Variants in DCAF8L2 observed in about 807,000 individuals in gnomAD.
DCAF8L2 encodes the protein DDB1 and CUL4 associated factor 8 like 2, also known as DDB1- and CUL4-associated factor 8-like protein 2.
For synonymous variants in DCAF8L2, 200 were observed against 190.9 expected, an observed-to-expected ratio of 1.05 and a Z score of -0.39; for missense variants, 430 against 490.7, an observed-to-expected ratio of 0.88 and a Z score of 1.17.
chrX:27,614,088 T>C (rs997655749), intron 1 of DCAF8L2, among the ~76,000 whole-genome samples: 2 of 111,183 alleles, frequency 1.8e-5, no homozygotes, highest in Non-Finnish European at 3.8e-5. Context: ...GTCCTGGACT[T>C]TTTTTGGTTG....
intron 4 of DCAF8L2, among the ~76,000 whole-genome samples, chrX:27,733,428 T>C (rs1030509973): frequency 8.9e-6 from 1 of 112,356 alleles, no homozygotes; most frequent in Admixed American, 9.5e-5. Context: ...ATATTTTGGA[T>C]ATTAGCTTTT....
At chrX:27,550,118 A>C in the DCAF8L2 span, among the ~76,000 whole-genome samples, 1,501 of 112,280 alleles carry the variant, frequency 0.013, 62 homozygotes, top group East Asian at 0.097. Context: ...GAATGGTCCT[A>C]GAAAGCAACT....
Position 27,601,127 on chromosome X carries a change from G to C in DCAF8L2, c.-342+10687G>C, listed in dbSNP as rs778322451. Among the ~76,000 whole-genome samples, 6 of 110,759 alleles carry C rather than the reference G, an allele frequency of 5.4e-5. No individual in the cohort carries two copies. In the South Asian group the frequency reaches 2.3e-3, roughly 43 times the overall value. On this transcript the variant is annotated intron_variant, in intron 1 of 4. Coordinates refer to ENST00000451261, the MANE Select transcript of DCAF8L2 (RefSeq NM_001353450.2). ...TAATTTTTGTATTTTTTGTAGGGTCGGGGTTTCACCACGTTGCCCAGGCTG... is the reference window on the plus strand; with the variant it reads ...TAATTTTTGTATTTTTTGTAGGGTCCGGGTTTCACCACGTTGCCCAGGCTG...
chrX:27,539,766 A>G, the DCAF8L2 span, among the ~76,000 whole-genome samples: 67 of 111,143 alleles, frequency 6.0e-4, no homozygotes, highest in African/African-American at 1.9e-3. Flanking sequence ...TTCTTTGTTA[A>G]GGGATGTTGG....
At chrX:27,668,019 A>G (rs1929802406) in intron 2 of DCAF8L2, among the ~76,000 whole-genome samples, 1 of 111,815 alleles carries the variant, frequency 8.9e-6, no homozygotes, top group Non-Finnish European at 1.9e-5. Context: ...TGTGATGGCT[A>G]TGGTTCTGAA....
At chrX:27,676,813 G>A (rs995922872) in intron 2 of DCAF8L2, 2 of 111,615 alleles carry the variant, frequency 1.8e-5, no homozygotes, top group African/African-American at 6.5e-5. Flanking sequence ...TCAACAAATT[G>A]AGACAACTAG....
chrX:27,598,011 A>ATG (rs1160647194), intron 1 of DCAF8L2, among the ~76,000 whole-genome samples: 1 of 103,401 alleles, frequency 9.7e-6, no homozygotes, highest in African/African-American at 3.9e-5. Flanking sequence ...AAACCTTCAA[A>ATG]TATTCAAATT....
chrX:27,593,834 C>T lies in DCAF8L2; in HGVS notation c.-342+3394C>T, dbSNP rs1309232059. Among the ~76,000 whole-genome samples, 4 of 111,633 alleles carry T rather than the reference C, an allele frequency of 3.6e-5. No individual in the cohort carries two copies. The Admixed American group carries it at 3.8e-4, about 11-fold the overall frequency. On this transcript the variant is annotated intron_variant, in intron 1 of 4. Coordinates refer to ENST00000451261, the MANE Select transcript of DCAF8L2 (RefSeq NM_001353450.2). Reference sequence around the variant, plus strand: ...GGACCTCAGATGCTAGAAGACAGAACCCTGGGCTCCATCACTCATGTTAAT... The same window carrying T: ...GGACCTCAGATGCTAGAAGACAGAATCCTGGGCTCCATCACTCATGTTAAT...
At chrX:27,498,767 C>CT in the DCAF8L2 span, among the ~76,000 whole-genome samples, 117 of 112,210 alleles carry the variant, frequency 1.0e-3, 1 homozygote, top group African/African-American at 3.7e-3. Flanking sequence ...CTGAGTATGA[C>CT]TTTATTAGAT....
chrX:27,628,650 C>T (rs1353920645), intron 1 of DCAF8L2, among the ~76,000 whole-genome samples: 2 of 105,589 alleles, frequency 1.9e-5, no homozygotes, highest in African/African-American at 7.0e-5. Context: ...GTCGCCCAGG[C>T]TGGAGTGCAG....
the DCAF8L2 span, among the ~76,000 whole-genome samples, chrX:27,573,863 CTCTT>C: frequency 9.4e-6 from 1 of 106,352 alleles, no homozygotes; most frequent in East Asian, 2.9e-4. Flanking sequence ...CTCTCTCTCT[CTCTT>C]TTTTTTTTTT....
At chrX:27,514,032 A>G in the DCAF8L2 span, among the ~76,000 whole-genome samples, 1 of 112,168 alleles carries the variant, frequency 8.9e-6, no homozygotes, top group Non-Finnish European at 1.9e-5. Context: ...TGACATCAGT[A>G]TGTTGAAGAG....
chrX:27,685,587 G>C (rs1014055818), intron 3 of DCAF8L2, among the ~76,000 whole-genome samples: 1 of 111,619 alleles, frequency 9.0e-6, no homozygotes, highest in Admixed American at 9.6e-5. Context: ...AACTCTAAAT[G>C]GTTTAAAAAC....
intron 4 of DCAF8L2, among the ~76,000 whole-genome samples, chrX:27,717,270 A>G (rs1213738599): frequency 8.9e-6 from 1 of 111,948 alleles, no homozygotes; most frequent in Non-Finnish European, 1.9e-5. Flanking sequence ...AGCTGGGTCA[A>G]ATTGTATTTC....
At chrX:27,544,010 C>T in the DCAF8L2 span, among the ~76,000 whole-genome samples, 1 of 111,995 alleles carries the variant, frequency 8.9e-6, no homozygotes, top group East Asian at 2.8e-4. Flanking sequence ...TGCATTGATA[C>T]AGCCAGGTTT....
the DCAF8L2 span, among the ~76,000 whole-genome samples, chrX:27,531,503 A>G: frequency 8.9e-6 from 1 of 111,879 alleles, no homozygotes; most frequent in Non-Finnish European, 1.9e-5. Flanking sequence ...CATATAGAAA[A>G]TGTTCTTTTA....
chrX:27,558,540 A>G, the DCAF8L2 span, among the ~76,000 whole-genome samples: 3 of 111,752 alleles, frequency 2.7e-5, no homozygotes, highest in Admixed American at 1.9e-4. Context: ...ACAATATCAT[A>G]TAAAGGTTGT....
At chrX:27,566,751 T>C in the DCAF8L2 span, among the ~76,000 whole-genome samples, 4 of 111,198 alleles carry the variant, frequency 3.6e-5, no homozygotes, top group Non-Finnish European at 7.5e-5. Flanking sequence ...ATTGTTTCCT[T>C]TTTTCTGCTA....
chrX:27,478,577 G>T, the DCAF8L2 span, among the ~76,000 whole-genome samples: 1 of 111,972 alleles, frequency 8.9e-6, no homozygotes, highest in African/African-American at 3.2e-5. Flanking sequence ...GGGTAAAATA[G>T]TCAAACTATT....
Sources: gnomAD v4.1 joint callset for allele counts (sites outside exome capture counted in the v4.1 genomes callset) on GRCh38, gnomAD v4.1.1 for gene constraint, MANE v1.5 for transcripts, NCBI Gene and HGNC (gene_info 2026-07-23, HGNC 2026-07-21) for gene names.